Variants in UPK1A observed in about 807,000 individuals in gnomAD.
UPK1A encodes the protein uroplakin-1a.
UPK1A carries 31 observed loss-of-function variants against 32.3 expected under a neutral mutation model. The ratio of observed to expected loss-of-function variants is 0.96; its 90% CI spans 0.72 to 1.30. The LOEUF (loss-of-function observed/expected upper bound fraction) is 1.30. Ranked by LOEUF, UPK1A falls within the 50% of genes most tolerant of loss-of-function variation. UPK1A has a pLI of 0.00. For missense variants in UPK1A, 340 were observed against 357.4 expected, an observed-to-expected ratio of 0.95 and a Z score of 0.39; for synonymous variants, 135 against 137.1, an observed-to-expected ratio of 0.98 and a Z score of 0.11.
At chr19:35,676,199 T>C (rs754576252) in intron 6 of UPK1A, 180 bp downstream of exon 6, 179 of 719,198 alleles carry the variant, frequency 2.5e-4, no homozygotes, top group Non-Finnish European at 3.4e-4. Flanking sequence ...TTCTTTCTTT[T>C]TTTTTTTTCA....
chr19:35,673,860 A>G (rs1294647874), intron 5 of UPK1A, among the ~76,000 whole-genome samples: 1 of 152,118 alleles, frequency 6.6e-6, no homozygotes, highest in Non-Finnish European at 1.5e-5. Flanking sequence ...AATAACAATG[A>G]TAGTAACAGC....
At chr19:35,669,890 A>G (rs1207854176) in intron 3 of UPK1A, among the ~76,000 whole-genome samples, 1 of 152,152 alleles carries the variant, frequency 6.6e-6, no homozygotes, top group African/African-American at 2.4e-5. Flanking sequence ...TCCCAGAAGC[A>G]GCCACTCATT....
intron 3 of UPK1A, among the ~76,000 whole-genome samples, chr19:35,669,954 C>A (rs925572874): frequency 1.3e-5 from 2 of 152,180 alleles, no homozygotes; most frequent in African/African-American, 2.4e-5. Context: ...ACGCTGGGCA[C>A]TGGGGCTCTG....
chr19:35,678,062 G>A (rs1360114801), exon 8 of UPK1A: 15 of 1,526,020 alleles, frequency 9.8e-6, no homozygotes, highest in East Asian at 4.6e-5. Flanking sequence ...GGACTCCTCC[G>A]CATCCTCCTC....
chr19:35,672,285 A>T (rs1358285936), intron 3 of UPK1A, among the ~76,000 whole-genome samples: 1 of 152,214 alleles, frequency 6.6e-6, no homozygotes, highest in Non-Finnish European at 1.5e-5. Flanking sequence ...TTTAAGAGAC[A>T]GGGTCTCACT....
chr19:35,671,194 C>T (rs1907330933), intron 3 of UPK1A, among the ~76,000 whole-genome samples: 1 of 151,704 alleles, frequency 6.6e-6, no homozygotes, highest in South Asian at 2.1e-4. Flanking sequence ...CGAGACCTTC[C>T]TGGCTAACAC....
exon 8 of UPK1A, chr19:35,678,372 C>G (rs558951872): frequency 8.6e-6 from 2 of 233,242 alleles, no homozygotes; most frequent in Admixed American, 5.0e-5. Flanking sequence ...GCTCTGGAAG[C>G]CTCTATTGCC....
chr19:35,673,438 A>G (rs757519741), exon 5 of UPK1A: 1 of 1,613,562 alleles, frequency 6.2e-7, no homozygotes, highest in Admixed American at 1.7e-5. Flanking sequence ...TTCTCCTCAG[A>G]TGGTGTCCAA....
intron 6 of UPK1A, among the ~76,000 whole-genome samples, chr19:35,676,729 T>G (rs770967380): frequency 2.0e-5 from 3 of 151,598 alleles, no homozygotes; most frequent in Non-Finnish European, 2.9e-5. Flanking sequence ...CGAAACCCCA[T>G]CTCTACTAAA....
chr19:35,670,681 C>CCTCCCTCT (rs1968079773), intron 3 of UPK1A, among the ~76,000 whole-genome samples: 1 of 97,182 alleles, frequency 1.0e-5, no homozygotes, highest in Admixed American at 9.7e-5. Context: ...TCTTTCCCTC[C>CCTCCCTCT]CTCCCTCCCT....
chr19:35,674,241 CTTTTTTTTTTTT>C (rs35857173), intron 5 of UPK1A, among the ~76,000 whole-genome samples: 3 of 98,986 alleles, frequency 3.0e-5, no homozygotes, highest in African/African-American at 1.2e-4. Flanking sequence ...TTCTTTTTAT[CTTTTTTTTTTTT>C]TTTTTTTTTT....
At chr19:35,671,559 G>A (rs1428215191) in intron 3 of UPK1A, among the ~76,000 whole-genome samples, 2 of 140,552 alleles carry the variant, frequency 1.4e-5, no homozygotes, top group Admixed American at 7.5e-5. Flanking sequence ...CCGGGTTCAC[G>A]CCATTCTCCT....
chr19:35,668,451 C>T lies in UPK1A; in HGVS notation c.85-3C>T. The T allele has an allele frequency of 6.2e-7, 1 of 1,614,098 alleles. No homozygotes were observed. ...GACCTTCCTAACCCACCGCTCTGTC[C>T]AGCTGTCAGGCCTGTCCCTGTTTGC... On this transcript the variant is annotated splice_polypyrimidine_tract_variant and splice_region_variant and intron_variant, in intron 2 of 7. Coordinates refer to ENST00000617999, the Ensembl canonical transcript of UPK1A.
chr19:35,677,895 G>T (rs371884359), exon 7 of UPK1A: 3 of 1,611,506 alleles, frequency 1.9e-6, no homozygotes, highest in Middle Eastern at 2.2e-4. Context: ...TGATGTGGAC[G>T]GTGAGAGGCG....
chr19:35,668,422 A>G, intron 2 of UPK1A, 32 bp from the exon 3 acceptor site: 1 of 1,613,228 alleles, frequency 6.2e-7, no homozygotes, highest in Admixed American at 1.7e-5. Flanking sequence ...GCTGGCCCCG[A>G]GCAGACCTTC....
intron 2 of UPK1A, 196 bp from the exon 3 acceptor site, chr19:35,668,258 C>T (rs1009765157): frequency 4.6e-6 from 3 of 655,070 alleles, no homozygotes; most frequent in Non-Finnish European, 7.9e-6. Flanking sequence ...GCGTGGGGGT[C>T]GGTTGTCTGG....
intron 5 of UPK1A, 128 bp downstream of exon 5, chr19:35,673,673 G>A: frequency 2.6e-6 from 2 of 783,736 alleles, no homozygotes; most frequent in Non-Finnish European, 4.0e-6. Flanking sequence ...ATCTCTAGGA[G>A]AGCAGGGCTG....
intron 3 of UPK1A, among the ~76,000 whole-genome samples, chr19:35,671,521 G>A (rs1170195916): frequency 3.1e-5 from 4 of 129,354 alleles, no homozygotes; most frequent in South Asian, 2.7e-4. Context: ...GCAGTGGTGC[G>A]ATCTCGGCTC....
intron 6 of UPK1A, 52 bp from the exon 7 acceptor site, chr19:35,677,760 A>T: frequency 6.2e-7 from 1 of 1,606,328 alleles, no homozygotes; most frequent in Non-Finnish European, 8.5e-7. Context: ...TCTCGCTTTC[A>T]GCGGCTACCC....
Sources: gnomAD v4.1 joint callset for allele counts (sites outside exome capture counted in the v4.1 genomes callset) on GRCh38, gnomAD v4.1.1 for gene constraint, MANE v1.5 for transcripts, NCBI Gene and HGNC (gene_info 2026-07-23, HGNC 2026-07-21) for gene names.